HHAT: variants seen among roughly 807,000 people sequenced by gnomAD.
HHAT encodes the protein protein-cysteine N-palmitoyltransferase HHAT.
A neutral mutation model predicts 70.8 loss-of-function variants in HHAT; 47 were observed. That is an observed-to-expected ratio of 0.66 (90% CI 0.53 to 0.85). HHAT has a LOEUF of 0.85. HHAT is among the 40% of genes least tolerant of loss of function. The probability of loss-of-function intolerance (pLI) is 0.00; values close to 1 mark genes in which losing one functional copy is unlikely to be tolerated. For synonymous variants in HHAT, 228 were observed against 247.6 expected (o/e 0.92, Z 0.74); for missense variants, 609 against 604.8 (o/e 1.01, Z -0.07).
intron 6 of HHAT, among the ~76,000 whole-genome samples, chr1:210,410,523 A>ATTTTTTTTTT (rs35608235): frequency 3.4e-5 from 4 of 116,432 alleles, no homozygotes; most frequent in African/African-American, 1.1e-4. Flanking sequence ...TTATTTGTAA[A>ATTTTTTTTTT]TTTTTTTTTT....
In HHAT at chr1:210,333,935, GT is replaced by G. The variant is rs1283306053; in HGVS notation, c.-44+4832del. 5.3e-5 allele frequency among the ~76,000 whole-genome samples: 8 copies of G among 152,244 alleles called. No individual in the cohort carries two copies. In the East Asian group the frequency reaches 1.4e-3, roughly 26 times the overall value. ...GCCTCCCAAAGTGCTGGAATTACAG[GT>G]GTGAGCCATTACATCTGGCTGGAAC... On this transcript the variant is annotated intron_variant, in intron 1 of 11. Transcript: ENST00000261458.
At chr1:210,634,914 A>G (rs1389647357) in intron 11 of HHAT, among the ~76,000 whole-genome samples, 3 of 152,214 alleles carry the variant, frequency 2.0e-5, no homozygotes, top group African/African-American at 7.2e-5. Context: ...AAAGAGGGAC[A>G]GTGGTCAGCT....
intron 9 of HHAT, among the ~76,000 whole-genome samples, chr1:210,516,735 C>T (rs981671078): frequency 2.3e-4 from 32 of 140,966 alleles, no homozygotes; most frequent in Non-Finnish European, 2.2e-4. Context: ...TAGTGTTTGG[C>T]ATAAAAAAAA....
intron 3 of HHAT, among the ~76,000 whole-genome samples, chr1:210,366,488 T>G (rs1163670020): frequency 6.6e-6 from 1 of 152,094 alleles, no homozygotes; most frequent in Non-Finnish European, 1.5e-5. Context: ...GCCAGGTGTG[T>G]GCCTGTAATC....
chr1:210,379,481 G>A (rs868715668), intron 3 of HHAT, among the ~76,000 whole-genome samples: 6 of 152,362 alleles, frequency 3.9e-5, no homozygotes, highest in Middle Eastern at 3.4e-3. Flanking sequence ...TTAGGAAAAG[G>A]TTAAGATGGT....
At chr1:210,403,331 G>T (rs1017299297) in intron 5 of HHAT, among the ~76,000 whole-genome samples, 2 of 152,196 alleles carry the variant, frequency 1.3e-5, no homozygotes, top group African/African-American at 4.8e-5. Flanking sequence ...ACCTTTTGGG[G>T]ACCTGGCAAG....
intron 11 of HHAT, among the ~76,000 whole-genome samples, chr1:210,653,117 A>T (rs1331637301): frequency 2.0e-5 from 3 of 149,188 alleles, no homozygotes; most frequent in African/African-American, 7.3e-5. Flanking sequence ...CATTAGAAAG[A>T]TCAAAACAGC....
chr1:210,552,914 GTCTC>G (rs1322667843), intron 9 of HHAT, among the ~76,000 whole-genome samples: 1 of 152,164 alleles, frequency 6.6e-6, no homozygotes, highest in Non-Finnish European at 1.5e-5. Context: ...TCTTGTAGCT[GTCTC>G]TCTCTTTGCT....
rs868605064 is a variant in HHAT at position 210,581,450 on chromosome 1, A to G, written c.1044-6448A>G. Among the ~76,000 whole-genome samples, 21 of 152,284 alleles carry G rather than the reference A, an allele frequency of 1.4e-4. No individual in the cohort carries two copies. The Middle Eastern group carries it at 0.017, about 123-fold the overall frequency. On this transcript the variant is annotated intron_variant, in intron 9 of 11. Coordinates refer to ENST00000261458, the MANE Select transcript of HHAT (RefSeq NM_018194.6). Reference sequence around the variant, plus strand: ...GACAGCACAGCCAGCTCTGTAGAGAAGAGAAACCTGAGCAGGGGCTGGTCT... The same window carrying G: ...GACAGCACAGCCAGCTCTGTAGAGAGGAGAAACCTGAGCAGGGGCTGGTCT...
intron 8 of HHAT, among the ~76,000 whole-genome samples, chr1:210,509,404 G>GT (rs1455494770): frequency 6.6e-6 from 1 of 152,154 alleles, no homozygotes; most frequent in Non-Finnish European, 1.5e-5. Context: ...GGAAGTTAAG[G>GT]TTGGTGCATT....
At chr1:210,564,547 A>C (rs186740638) in intron 9 of HHAT, among the ~76,000 whole-genome samples, 1 of 152,358 alleles carries the variant, frequency 6.6e-6, no homozygotes, top group South Asian at 2.1e-4. Context: ...TATAAGAAGT[A>C]TGTGTCTATG....
At chr1:210,427,839 T>C (rs1475307244) in intron 7 of HHAT, among the ~76,000 whole-genome samples, 1 of 152,076 alleles carries the variant, frequency 6.6e-6, no homozygotes, top group East Asian at 1.9e-4. Context: ...TGAGTTCAGG[T>C]CCTAAATGTC....
intron 9 of HHAT, among the ~76,000 whole-genome samples, chr1:210,517,844 G>A (rs1157389790): frequency 6.6e-6 from 1 of 151,998 alleles, no homozygotes; most frequent in Non-Finnish European, 1.5e-5. Context: ...TTTTAAAAAC[G>A]ATGAATGATA....
At chr1:210,409,223 C>T (rs1307458043) in intron 6 of HHAT, among the ~76,000 whole-genome samples, 1 of 152,096 alleles carries the variant, frequency 6.6e-6, no homozygotes, top group Non-Finnish European at 1.5e-5. Flanking sequence ...GACCACTTTA[C>T]AGACAGGGAA....
chr1:210,655,966 C>T lies in HHAT; in HGVS notation c.1391-18322C>T, dbSNP rs142368515. On this transcript the variant is annotated intron_variant, in intron 11 of 11. Transcript: ENST00000261458. ...GGGATCATCTGGTCCCGCCTTCTCT[C>T]GGAGGCAGATATCTGCAATGGATGC... 2.5e-3 allele frequency among the ~76,000 whole-genome samples: 377 copies of T among 152,288 alleles called. 9 individuals are homozygous for T. In the East Asian group the frequency reaches 0.05, roughly 20 times the overall value.
chr1:210,366,992 C>G (rs1017847313), intron 3 of HHAT, among the ~76,000 whole-genome samples: 37 of 152,184 alleles, frequency 2.4e-4, no homozygotes, highest in African/African-American at 8.7e-4. Flanking sequence ...TGTCTCTGTG[C>G]TCAAGTCCAT....
intron 10 of HHAT, among the ~76,000 whole-genome samples, chr1:210,601,970 A>AGTGTGTGTGT (rs10646355): frequency 6.7e-5 from 10 of 149,366 alleles, no homozygotes; most frequent in South Asian, 2.1e-4. Flanking sequence ...TGTGTGTGAG[A>AGTGTGTGTGT]GTGTGTGTGT....
chr1:210,503,773 G>A (rs933622450), intron 8 of HHAT, among the ~76,000 whole-genome samples: 9 of 150,600 alleles, frequency 6.0e-5, no homozygotes, highest in Non-Finnish European at 8.9e-5. Flanking sequence ...CAAAGTTGCC[G>A]GTGACCTTTC....
chr1:210,512,030 A>C (rs1429373960), intron 8 of HHAT, among the ~76,000 whole-genome samples: 1 of 152,084 alleles, frequency 6.6e-6, no homozygotes, highest in African/African-American at 2.4e-5. Flanking sequence ...TGCTAGTTAG[A>C]GAAACCAAGG....
Sources: gnomAD v4.1 joint callset for allele counts (sites outside exome capture counted in the v4.1 genomes callset) on GRCh38, gnomAD v4.1.1 for gene constraint, MANE v1.5 for transcripts, NCBI Gene and HGNC (gene_info 2026-07-23, HGNC 2026-07-21) for gene names.